SUN1: variants seen among roughly 807,000 people sequenced by gnomAD.
SUN1 encodes Sad1 and UNC84 domain containing 1.
A neutral mutation model predicts 103.2 loss-of-function variants in SUN1; 61 were observed. That is an observed-to-expected ratio of 0.59 (90% CI 0.48 to 0.73). The LOEUF (loss-of-function observed/expected upper bound fraction) is 0.73. SUN1 is among the 30% of genes least tolerant of loss of function. The pLI, the probability that SUN1 is intolerant of heterozygous loss-of-function variation, is 0.00. For synonymous variants in SUN1, 490 were observed against 425.7 expected (o/e 1.15, Z -1.86); for missense variants, 1,052 against 1,034.6 (o/e 1.02, Z -0.23).
chr7:816,569 T>C, upstream of SUN1: 4 of 394,360 alleles, frequency 1.0e-5, no homozygotes, highest in South Asian at 6.9e-5. Flanking sequence ...CCTGCGTTGC[T>C]CCCGCCCTCG....
chr7:870,704 C>T (rs1034957426), intron 17 of SUN1, among the ~76,000 whole-genome samples: 1 of 152,102 alleles, frequency 6.6e-6, no homozygotes, highest in Non-Finnish European at 1.5e-5. Flanking sequence ...GCCGCTTCTC[C>T]TCTCACTGAG....
At chr7:822,726 T>C (rs1056991845) in intron 1 of SUN1, among the ~76,000 whole-genome samples, 7 of 152,158 alleles carry the variant, frequency 4.6e-5, no homozygotes, top group Non-Finnish European at 1.0e-4. Flanking sequence ...TTCCAGAACA[T>C]GTAAGACCGT....
chr7:835,561 A>G (rs1408727845), intron 1 of SUN1, among the ~76,000 whole-genome samples: 1 of 152,156 alleles, frequency 6.6e-6, no homozygotes, highest in Non-Finnish European at 1.5e-5. Flanking sequence ...TTAAATCTCA[A>G]TCTGTAATTC....
chr7:848,697 G>GCCTCCCTCGCTGCCT, intron 5 of SUN1: 1 of 1,005,196 alleles, frequency 9.9e-7, no homozygotes, highest in Non-Finnish European at 1.3e-6. Context: ...CTCGCCAGGC[G>GCCTCCCTCGCTGCCT]CCTCCCTCGC....
At chr7:819,743 C>T (rs1487241683) in intron 1 of SUN1, among the ~76,000 whole-genome samples, 1 of 149,218 alleles carries the variant, frequency 6.7e-6, no homozygotes, top group Non-Finnish European at 1.5e-5. Flanking sequence ...GAATCTTGCC[C>T]TGTCGCCCAG....
At chr7:866,904 A>G (rs960719159) in intron 16 of SUN1, among the ~76,000 whole-genome samples, 4 of 151,978 alleles carry the variant, frequency 2.6e-5, no homozygotes, top group African/African-American at 9.7e-5. Context: ...ACAAGTTTAA[A>G]GCACTAAAGG....
intron 16 of SUN1, among the ~76,000 whole-genome samples, chr7:868,061 C>T (rs1025936172): frequency 5.3e-5 from 8 of 152,226 alleles, no homozygotes; most frequent in African/African-American, 1.7e-4. Context: ...TAGAAGACGG[C>T]TTGGGGGCTG....
rs772100423 is a variant in SUN1, at chr7:838,881, G to A, written c.161G>A (p.Arg54His). The A allele has an allele frequency of 5.0e-6, 8 of 1,607,450 alleles. No homozygotes were observed. The highest frequency in any genetic ancestry group is 5.9e-6 in the Non-Finnish European group (7 of 1,177,322). Reference protein sequence around the residue: ...PVFDSPRMSRRSLRLATTACT... With the variant: ...PVFDSPRMSRHSLRLATTACT... The stretch of plus-strand genomic sequence containing the variant: ...TTTGATTCTCCACGGATGTCCCGCC[G>A]TAGTTTGCGCCTGGCCACGACAGCA... The change falls in exon 2 of 19, where the codon CGT becomes CAT. Residue 54 changes from arginine (R) to histidine (H), a missense_variant. Arg to His is a conservative substitution (Grantham distance 29). Coordinates refer to ENST00000401592, the MANE Select transcript of SUN1 (RefSeq NM_001130965.3).
In SUN1 at chr7:851,886, T is replaced by A. The variant is rs186583046; in HGVS notation, c.758-64T>A. 6.6e-5 allele frequency: 102 copies of A among 1,544,558 alleles called. 1 individual carries two copies. In the African/African-American group the frequency reaches 1.1e-3, roughly 17 times the overall value. On this transcript the variant is annotated intron_variant, in intron 6 of 18. Transcript: ENST00000401592. ...TCTAGCTTGGCCTTCACAGAAATGGTCCATTTAGGAGCTTGGTTTTCCTAA... is the reference window on the plus strand; with the variant it reads ...TCTAGCTTGGCCTTCACAGAAATGGACCATTTAGGAGCTTGGTTTTCCTAA...
At chr7:864,776 G>A (rs1835077960) in intron 15 of SUN1, among the ~76,000 whole-genome samples, 2 of 89,834 alleles carry the variant, frequency 2.2e-5, no homozygotes, top group Non-Finnish European at 4.7e-5. Context: ...CTACAGGGGC[G>A]CGTCACCACG....
chr7:851,615 G>A, intron 6 of SUN1, 133 bp downstream of exon 6: 8 of 807,262 alleles, frequency 9.9e-6, no homozygotes, highest in South Asian at 1.7e-5. Context: ...AACGTGTCTC[G>A]TTCTTTATGA....
At chr7:869,968 C>T (rs537060818) in intron 17 of SUN1, among the ~76,000 whole-genome samples, 15 of 150,610 alleles carry the variant, frequency 1.0e-4, no homozygotes, top group African/African-American at 3.4e-4. Context: ...CCAAGGTGGG[C>T]GGATCACCTG....
chr7:825,418 A>G (rs949478044), intron 1 of SUN1, among the ~76,000 whole-genome samples: 1 of 152,212 alleles, frequency 6.6e-6, no homozygotes, highest in African/African-American at 2.4e-5. Flanking sequence ...AAAAATTTTC[A>G]AACAGCCTGA....
chr7:822,924 CCA>C (rs940578371), intron 1 of SUN1, among the ~76,000 whole-genome samples: 2 of 152,252 alleles, frequency 1.3e-5, no homozygotes, highest in Admixed American at 6.5e-5. Context: ...CCGTGAATTC[CCA>C]CACACACACG....
At chr7:873,152 G>A (rs1267662120) in intron 18 of SUN1, 63 bp from the exon 19 acceptor site, 7 of 1,430,322 alleles carry the variant, frequency 4.9e-6, no homozygotes, top group South Asian at 1.2e-5. Context: ...ATTTGGGGAA[G>A]TGATTGGACT....
chr7:869,402 G>T lies in SUN1; in HGVS notation c.2034G>T (p.Leu678=), dbSNP rs1160213850. The part of the protein sequence containing the change: ...CWAFKGSQGY[L]VVRLSMMIHP... ...CATTTAAAGGCTCCCAGGGGTACCTGGTGGTGAGGCTCTCCATGATGATCC... is the reference window on the plus strand; with the variant it reads ...CATTTAAAGGCTCCCAGGGGTACCTTGTGGTGAGGCTCTCCATGATGATCC... Residue 678 remains leucine, a synonymous_variant, in exon 17 of 19, where the codon CTG becomes CTT. Transcript: ENST00000401592. 3.1e-6 allele frequency: 5 copies of T among 1,613,900 alleles called. No individual in the cohort carries two copies. The Admixed American group carries it at 8.3e-5, about 27-fold the overall frequency.
chr7:841,690 AC>A (rs1810121670), intron 2 of SUN1: 4 of 421,964 alleles, frequency 9.5e-6, no homozygotes, highest in Admixed American at 4.2e-5. Flanking sequence ...TTAGCTTTTA[AC>A]CACTTGGGGT....
rs74722130 is a variant in SUN1 at position 855,964 on chromosome 7, C to T, written c.1351-394C>T. Among the ~76,000 whole-genome samples, 1,176 of 152,304 alleles carry T rather than the reference C, an allele frequency of 7.7e-3. 52 individuals are homozygous for T. The East Asian group carries it at 0.14, about 18-fold the overall frequency. On this transcript the variant is annotated intron_variant, in intron 11 of 18. Coordinates refer to ENST00000401592, the MANE Select transcript of SUN1 (RefSeq NM_001130965.3). ...TCCATGGAGTGAGACTTGGGGCTGA[C>T]GCTGGTGCTCAGCGTGGTGCTGCTG...
chr7:844,077 G>C (rs998299942), intron 5 of SUN1, among the ~76,000 whole-genome samples: 1 of 152,236 alleles, frequency 6.6e-6, no homozygotes, highest in Non-Finnish European at 1.5e-5. Context: ...GTGGACATGG[G>C]CTTCCCTCAG....
Sources: gnomAD v4.1 joint callset for allele counts (sites outside exome capture counted in the v4.1 genomes callset) on GRCh38, gnomAD v4.1.1 for gene constraint, MANE v1.5 for transcripts, NCBI Gene and HGNC (gene_info 2026-07-23, HGNC 2026-07-21) for gene names.